GPR158: variants seen among roughly 807,000 people sequenced by gnomAD.
The protein encoded by GPR158 is metabotropic glycine receptor.
Under a neutral mutation model 78.2 loss-of-function variants are expected in GPR158, and 30 were observed. The observed-to-expected ratio is 0.38, with a 90% CI of 0.29 to 0.52. GPR158 has a LOEUF of 0.52. Among genes scored for constraint, GPR158 ranks in the 20% least tolerant of loss-of-function variants. The pLI is 0.83. For synonymous variants in GPR158, 581 were observed against 591.1 expected, an observed-to-expected ratio of 0.98 and a Z score of 0.25; for missense variants, 1,463 against 1,523.5, an observed-to-expected ratio of 0.96 and a Z score of 0.66.
intron 2 of GPR158, among the ~76,000 whole-genome samples, chr10:25,250,749 G>A (rs1853783342): frequency 7.3e-6 from 1 of 137,728 alleles, no homozygotes; most frequent in East Asian, 2.1e-4. Flanking sequence ...GGTCAGTTTT[G>A]GAATAGGTGT....
At chr10:25,326,019 T>C (rs904276252) in intron 2 of GPR158, among the ~76,000 whole-genome samples, 1 of 152,182 alleles carries the variant, frequency 6.6e-6, no homozygotes, top group Non-Finnish European at 1.5e-5. Context: ...AGTAAATATG[T>C]GCCATGATGG....
At chr10:25,487,118 GGT>G (rs1819405415) in intron 5 of GPR158, among the ~76,000 whole-genome samples, 1 of 151,926 alleles carries the variant, frequency 6.6e-6, no homozygotes, top group Non-Finnish European at 1.5e-5. Flanking sequence ...GATATCTGTG[GGT>G]GCTGTTATTC....
At chr10:25,256,810 G>A (rs1358669802) in intron 2 of GPR158, among the ~76,000 whole-genome samples, 1 of 152,096 alleles carries the variant, frequency 6.6e-6, no homozygotes, top group East Asian at 1.9e-4. Flanking sequence ...ATGAAACAAA[G>A]CCGATAACAT....
At chr10:25,464,312 C>T (rs1383175081) in intron 4 of GPR158, among the ~76,000 whole-genome samples, 1 of 152,108 alleles carries the variant, frequency 6.6e-6, no homozygotes, top group African/African-American at 2.4e-5. Flanking sequence ...TGGAAGAGGC[C>T]ATCAAACCAC....
intron 6 of GPR158, among the ~76,000 whole-genome samples, chr10:25,566,441 C>T (rs1172411929): frequency 6.6e-6 from 1 of 152,138 alleles, no homozygotes; most frequent in Non-Finnish European, 1.5e-5. Flanking sequence ...CCAGCTGGCC[C>T]CTCCTCTCAT....
intron 2 of GPR158, among the ~76,000 whole-genome samples, chr10:25,306,282 T>C (rs901273712): frequency 2.6e-5 from 4 of 152,214 alleles, no homozygotes; most frequent in Non-Finnish European, 4.4e-5. Context: ...AATTTGCCTA[T>C]ACTGGGCTTC....
intron 3 of GPR158, among the ~76,000 whole-genome samples, chr10:25,401,016 G>A (rs188956562): frequency 1.7e-3 from 252 of 152,294 alleles, no homozygotes; most frequent in Middle Eastern, 3.4e-3. Context: ...GATTCTGGCT[G>A]AGCTCTACAG....
rs1853234483 is a variant in GPR158, at chr10:25,217,544, A to G, written c.903-3508A>G. Reference sequence around the variant, plus strand: ...ATCTTTACTTGGAGCAATGCCAAACAGGACCCAAGAGTATGCTAGTATTAA... The same window carrying G: ...ATCTTTACTTGGAGCAATGCCAAACGGGACCCAAGAGTATGCTAGTATTAA... On this transcript the variant is annotated intron_variant, in intron 1 of 10. Transcript: ENST00000376351. Among the ~76,000 whole-genome samples, 4 of 152,228 alleles carry G rather than the reference A, an allele frequency of 2.6e-5. No individual in the cohort carries two copies. In the East Asian group the frequency reaches 7.7e-4, roughly 29 times the overall value.
chr10:25,384,181 C>G (rs1196235096), intron 2 of GPR158, among the ~76,000 whole-genome samples: 1 of 151,924 alleles, frequency 6.6e-6, no homozygotes, highest in Non-Finnish European at 1.5e-5. Context: ...GGAGAAAAGA[C>G]ATTTGTAGAG....
At chr10:25,196,943 T>A (rs1298881027) in intron 1 of GPR158, among the ~76,000 whole-genome samples, 1 of 152,184 alleles carries the variant, frequency 6.6e-6, no homozygotes, top group African/African-American at 2.4e-5. Context: ...TGCATGAGCA[T>A]TTTCGACCTG....
At chr10:25,586,037 G>A (rs1027332726) in intron 7 of GPR158, among the ~76,000 whole-genome samples, 1 of 152,098 alleles carries the variant, frequency 6.6e-6, no homozygotes, top group Non-Finnish European at 1.5e-5. Context: ...GACCTTCTAG[G>A]TCTGCTCAAA....
intron 2 of GPR158, among the ~76,000 whole-genome samples, chr10:25,348,315 C>A (rs988123246): frequency 6.6e-6 from 1 of 151,138 alleles, no homozygotes; most frequent in East Asian, 2.0e-4. Flanking sequence ...GACACAAATG[C>A]ATACAGACAA....
chr10:25,221,192 A>T (rs1336238070), intron 2 of GPR158, 35 bp downstream of exon 2: 1 of 1,026,650 alleles, frequency 9.7e-7, no homozygotes, highest in Non-Finnish European at 1.5e-6. Context: ...CTTTAAGCTC[A>T]GGAATACATT....
intron 2 of GPR158, among the ~76,000 whole-genome samples, chr10:25,377,547 C>T (rs1186853722): frequency 6.6e-6 from 1 of 152,012 alleles, no homozygotes; most frequent in Non-Finnish European, 1.5e-5. Context: ...TCACCAGCAG[C>T]CAACACTTGG....
intron 1 of GPR158, among the ~76,000 whole-genome samples, chr10:25,182,214 C>A (rs1222715796): frequency 6.6e-6 from 1 of 152,090 alleles, no homozygotes; most frequent in Non-Finnish European, 1.5e-5. Context: ...AATGAGAACT[C>A]CATTTCAAAA....
Position 25,314,853 on chromosome 10 carries a change from ACACAC to A in GPR158, c.1009-81057_1009-81053del, listed in dbSNP as rs1255228508. On this transcript the variant is annotated intron_variant, in intron 2 of 10. Transcript: ENST00000376351. ...CATACATATACACGTATATACATAC[ACACAC>A]TGTCATATATATATATATATATATA... Among the ~76,000 whole-genome samples, 1,066 of 122,094 alleles carry A rather than the reference ACACAC, an allele frequency of 8.7e-3. 13 individuals are homozygous for A. The highest frequency in any genetic ancestry group is 0.031 in the African/African-American group (897 of 29,152). 80.1% of individuals were successfully genotyped at this position (122,094 alleles called of 152,430 possible).
intron 2 of GPR158, among the ~76,000 whole-genome samples, chr10:25,274,917 A>T (rs1854163554): frequency 6.6e-6 from 1 of 152,204 alleles, no homozygotes; most frequent in Non-Finnish European, 1.5e-5. Flanking sequence ...ATGCTGAGTT[A>T]CGGTGACAAA....
At chr10:25,327,460 C>G (rs1000310628) in intron 2 of GPR158, among the ~76,000 whole-genome samples, 14 of 152,192 alleles carry the variant, frequency 9.2e-5, no homozygotes, top group African/African-American at 3.4e-4. Flanking sequence ...AAACGAAACA[C>G]CTCACAAGGG....
Position 25,563,758 on chromosome 10 carries a change from T to C in GPR158, c.1515-8891T>C, listed in dbSNP as rs565581282. Reference sequence around the variant, plus strand: ...TTTTTATTGTTGCAAATTATATCTTTAAGCATTATGAACTCATTAACACAG... The same window carrying C: ...TTTTTATTGTTGCAAATTATATCTTCAAGCATTATGAACTCATTAACACAG... On this transcript the variant is annotated intron_variant, in intron 6 of 10. Transcript: ENST00000376351. Among the ~76,000 whole-genome samples the C allele has an allele frequency of 1.1e-3, 163 of 152,148 alleles. 1 individual carries two copies. The highest frequency in any genetic ancestry group is 3.8e-3 in the African/African-American group (157 of 41,408).
Sources: allele counts gnomAD v4.1 joint callset (sites outside exome capture counted in the v4.1 genomes callset), GRCh38; gene constraint gnomAD v4.1.1; transcripts MANE v1.5; gene names NCBI Gene and HGNC (gene_info 2026-07-23, HGNC 2026-07-21).